The following FAM184B variants were observed in gnomAD, a reference collection of about 807,000 sequenced individuals.
FAM184B encodes protein FAM184B.
In FAM184B, 111 loss-of-function variants were observed where a neutral mutation model predicts 135.9. The ratio of observed to expected loss-of-function variants is 0.82; its 90% CI spans 0.70 to 0.96. The LOEUF is 0.96. Ranked by LOEUF, FAM184B falls within the 40% of genes least tolerant of loss-of-function variation. The pLI, the probability that FAM184B is intolerant of heterozygous loss-of-function variation, is 0.00. For missense variants in FAM184B, 1,375 were observed against 1,323.9 expected, an observed-to-expected ratio of 1.04 and a Z score of -0.60; for synonymous variants, 552 against 524.8, an observed-to-expected ratio of 1.05 and a Z score of -0.71.
At chr4:17,778,276 C>T (rs1319610510) in intron 1 of FAM184B, among the ~76,000 whole-genome samples, 1 of 152,182 alleles carries the variant, frequency 6.6e-6, no homozygotes, top group East Asian at 1.9e-4. Flanking sequence ...TACCAGAAGA[C>T]AGTGGAGTAC....
At chr4:17,774,987 CTTTTCTT>C (rs1718895122) in intron 1 of FAM184B, among the ~76,000 whole-genome samples, 1 of 130,506 alleles carries the variant, frequency 7.7e-6, no homozygotes, top group Admixed American at 8.0e-5. Context: ...AGATATTTTC[CTTTTCTT>C]TTTTTTTTTT....
chr4:17,675,085 C>T (rs1165141031), intron 7 of FAM184B, among the ~76,000 whole-genome samples: 2 of 152,146 alleles, frequency 1.3e-5, no homozygotes, highest in Non-Finnish European at 2.9e-5. Flanking sequence ...TGGGCTTTGC[C>T]CAGATCCATC....
chr4:17,635,173 TGAA>T (rs1715088913), intron 15 of FAM184B, 60 bp from the exon 16 acceptor site: 1 of 1,325,920 alleles, frequency 7.5e-7, no homozygotes, highest in Admixed American at 2.0e-5. Flanking sequence ...GGGTTTGACT[TGAA>T]GGAAGATGGC....
At chr4:17,776,288 T>C (rs891328274) in intron 1 of FAM184B, among the ~76,000 whole-genome samples, 4 of 152,224 alleles carry the variant, frequency 2.6e-5, no homozygotes, top group African/African-American at 9.6e-5. Context: ...TATAATTAAA[T>C]TGAACAAGTT....
intron 8 of FAM184B, among the ~76,000 whole-genome samples, chr4:17,662,507 T>G (rs2108943420): frequency 6.6e-6 from 1 of 152,176 alleles, no homozygotes; most frequent in South Asian, 2.1e-4. Flanking sequence ...CCAGCTAATT[T>G]TTGTATTTTT....
Position 17,709,625 on chromosome 4 carries a change from G to T in FAM184B, c.161C>A (p.Thr54Asn). ...GCTGGCCTCAGCCTCATCCTGGCGG[G>T]TGTTCAGGGCATAAATCACCTGCAG... ...QLTKVIYALN[T>N]RQDEAEASME... Residue 54 changes from threonine to asparagine, a missense_variant, in exon 2 of 18, where the codon ACC becomes AAC. Physicochemically the swap from Thr to Asn is moderately conservative, Grantham distance 65. Transcript: ENST00000265018. The T allele has an allele frequency of 6.6e-7, 1 of 1,518,138 alleles. No homozygotes were observed. The allele number at this position is 1,518,138 out of a possible 1,614,324, so 94.0% of individuals were successfully genotyped here. A position where few individuals can be genotyped will look rare whatever the true frequency, so the allele number is the denominator to read the frequency against.
At position 17,639,236 on chromosome 4, in the gene FAM184B, G is replaced by A. The variant is rs894351579; in HGVS notation, c.2666+14C>T. 8 of 1,551,192 alleles carry A rather than the reference G, an allele frequency of 5.2e-6. No individual in the cohort carries two copies. Among genetic ancestry groups the A allele is most frequent in the South Asian group, 4.8e-5 (4 of 84,060 alleles). On this transcript the variant is annotated intron_variant, in intron 14 of 17. Coordinates refer to ENST00000265018, the MANE Select transcript of FAM184B (RefSeq NM_015688.2). ...ATTTGCAAGACCCTCCCTGGGGCCCGAGGCCTCACTTACTCGGCTTCCAGG... is the reference window on the plus strand; with the variant it reads ...ATTTGCAAGACCCTCCCTGGGGCCCAAGGCCTCACTTACTCGGCTTCCAGG...
At chr4:17,776,932 T>C (rs1035714548) in intron 1 of FAM184B, among the ~76,000 whole-genome samples, 111 of 152,280 alleles carry the variant, frequency 7.3e-4, no homozygotes, top group African/African-American at 2.5e-3. Flanking sequence ...GGCTGGATAA[T>C]GTATGGTGGT....
At chr4:17,703,747 A>G in intron 5 of FAM184B, among the ~76,000 whole-genome samples, 1 of 152,110 alleles carries the variant, frequency 6.6e-6, no homozygotes, top group East Asian at 1.9e-4. Context: ...CCTGGCCAAC[A>G]TGGTGAAACC....
intron 6 of FAM184B, among the ~76,000 whole-genome samples, chr4:17,689,858 C>T (rs1252181733): frequency 6.6e-6 from 1 of 151,932 alleles, no homozygotes; most frequent in African/African-American, 2.4e-5. Flanking sequence ...ACAGAATTTA[C>T]AGCAATAGGG....
chr4:17,639,719 G>A lies in FAM184B; in HGVS notation c.2520-323C>T, dbSNP rs538793859. Among the ~76,000 whole-genome samples the A allele has an allele frequency of 1.2e-4, 19 of 152,236 alleles. No individual in the cohort carries two copies. In the South Asian group the frequency reaches 3.9e-3, roughly 32 times the overall value. ...ACACACTCTTCACTTGGGACAGGCG[G>A]GGAGGCAAGAGGCTGAGATTCTCTA... On this transcript the variant is annotated intron_variant, in intron 13 of 17. Transcript: ENST00000265018.
chr4:17,644,501 TA>T (rs1560166163), intron 12 of FAM184B, among the ~76,000 whole-genome samples: 52 of 152,268 alleles, frequency 3.4e-4, no homozygotes, highest in Admixed American at 6.5e-4. Flanking sequence ...ATTATCTCAA[TA>T]GATGCAGAAA....
At chr4:17,640,335 T>C (rs1398992345) in intron 13 of FAM184B, among the ~76,000 whole-genome samples, 2 of 121,152 alleles carry the variant, frequency 1.7e-5, no homozygotes, top group African/African-American at 6.0e-5. Context: ...AAAAAAAAAA[T>C]TAGCTGGGCA....
Position 17,709,057 on chromosome 4 carries a change from G to C in FAM184B, c.729C>G (p.Ala243=). 1 of 1,550,386 alleles carries C rather than the reference G, an allele frequency of 6.5e-7. No individual in the cohort carries two copies. The highest frequency in any genetic ancestry group is 8.7e-7 in the Non-Finnish European group (1 of 1,146,956). ...RQAMQQSVSQ[A]LWQWQEKESD... is the part of the protein sequence containing the mutation. ...ACTCCTTCTCCTGCCACTGCCACAG[G>C]GCCTGGCTCACCGACTGCTGCATGG... is the stretch of plus-strand genomic sequence containing the variant. The change falls in exon 2 of 18, where the codon GCC becomes GCG. Residue 243 remains alanine (A), a synonymous_variant. Coordinates refer to ENST00000265018, the MANE Select transcript of FAM184B (RefSeq NM_015688.2).
rs1717146894 is a variant in FAM184B, at chr4:17,707,584, T to C, written c.1030+65A>G. ...TCCCTTAGCAGGCTTAGGCTGCCAGTAGCACCAGACCAACCTGGCAGCTAA... is the reference window on the plus strand; with the variant it reads ...TCCCTTAGCAGGCTTAGGCTGCCAGCAGCACCAGACCAACCTGGCAGCTAA... On this transcript the variant is annotated intron_variant, in intron 3 of 17. Coordinates refer to ENST00000265018, the MANE Select transcript of FAM184B (RefSeq NM_015688.2). 7.2e-6 allele frequency: 11 copies of C among 1,536,532 alleles called. No homozygotes were observed. The Admixed American group carries it at 2.2e-4, about 30-fold the overall frequency.
intron 7 of FAM184B, among the ~76,000 whole-genome samples, chr4:17,685,068 C>T (rs1196033248): frequency 6.6e-6 from 1 of 151,744 alleles, no homozygotes; most frequent in East Asian, 1.9e-4. Context: ...TTGAGGAGAG[C>T]ATTAGGGAAA....
intron 10 of FAM184B, among the ~76,000 whole-genome samples, chr4:17,654,800 G>C (rs1715743613): frequency 6.6e-6 from 1 of 152,194 alleles, no homozygotes; most frequent in South Asian, 2.1e-4. Flanking sequence ...TAGCAATAGG[G>C]AACTGGTCTC....
chr4:17,721,439 G>C (rs1192068830), intron 1 of FAM184B, among the ~76,000 whole-genome samples: 3 of 141,386 alleles, frequency 2.1e-5, no homozygotes, highest in Non-Finnish European at 4.6e-5. Context: ...GCATCCGAGT[G>C]CAGAGGATAC....
intron 1 of FAM184B, among the ~76,000 whole-genome samples, chr4:17,746,902 G>A (rs1718180079): frequency 2.0e-5 from 3 of 151,746 alleles, no homozygotes; most frequent in Non-Finnish European, 4.4e-5. Flanking sequence ...GCTGGTTATG[G>A]TGGTGCACAC....
Sources: gnomAD v4.1 joint callset for allele counts (sites outside exome capture counted in the v4.1 genomes callset) on GRCh38, gnomAD v4.1.1 for gene constraint, MANE v1.5 for transcripts, NCBI Gene and HGNC (gene_info 2026-07-23, HGNC 2026-07-21) for gene names.